The following TNFRSF13B variants were observed in gnomAD, a reference collection of about 807,000 sequenced individuals.
TNFRSF13B encodes the protein TNF receptor superfamily member 13B.
A neutral mutation model predicts 24.0 loss-of-function variants in TNFRSF13B; 34 were observed. That is an observed-to-expected ratio of 1.41 (90% CI 1.08 to 1.88). The LOEUF (loss-of-function observed/expected upper bound fraction) is 1.88. Ranked by LOEUF, TNFRSF13B falls within the 40% of genes most tolerant of loss-of-function variation. The pLI is 0.00. For synonymous variants in TNFRSF13B, 173 were observed against 150.3 expected (o/e 1.15, Z -1.10); for missense variants, 415 against 380.8 (o/e 1.09, Z -0.75).
At chr17:16,950,088 A>G (rs948309811) in intron 2 of TNFRSF13B, among the ~76,000 whole-genome samples, 1 of 152,172 alleles carries the variant, frequency 6.6e-6, no homozygotes, top group Non-Finnish European at 1.5e-5. Flanking sequence ...CTGACTTCGT[A>G]AATATGAATA....
chr17:16,941,464 G>A (rs1014708702), intron 3 of TNFRSF13B: 16 of 987,620 alleles, frequency 1.6e-5, no homozygotes, highest in South Asian at 4.7e-5. Context: ...CTGGAGCTGG[G>A]CATCCTCTAG....
At chr17:16,953,548 A>G (rs57293260) in intron 1 of TNFRSF13B, among the ~76,000 whole-genome samples, 1 of 151,974 alleles carries the variant, frequency 6.6e-6, no homozygotes, top group South Asian at 2.1e-4. Flanking sequence ...CTCATAGGCT[A>G]ATATTGCCCC....
At chr17:16,949,276 A>G (rs1392960085) in intron 2 of TNFRSF13B, among the ~76,000 whole-genome samples, 1 of 152,198 alleles carries the variant, frequency 6.6e-6, no homozygotes, top group Non-Finnish European at 1.5e-5. Context: ...TTACAAGTGC[A>G]TTTCTTAGTT....
At chr17:16,946,959 T>C (rs1254790164) in intron 3 of TNFRSF13B, among the ~76,000 whole-genome samples, 2 of 152,200 alleles carry the variant, frequency 1.3e-5, no homozygotes, top group Non-Finnish European at 2.9e-5. Context: ...GTGATACCTT[T>C]CCCTTCTCTT....
chr17:16,948,653 A>G, intron 3 of TNFRSF13B, 85 bp downstream of exon 3: 1 of 1,591,172 alleles, frequency 6.3e-7, no homozygotes, highest in Non-Finnish European at 8.6e-7. Context: ...TGCATTGTGG[A>G]CTCTCCTGTT....
intron 1 of TNFRSF13B, among the ~76,000 whole-genome samples, chr17:16,967,888 A>C (rs2087715572): frequency 6.6e-6 from 1 of 151,780 alleles, no homozygotes; most frequent in African/African-American, 2.4e-5. Flanking sequence ...CTGTAATCCC[A>C]GCACTTTGGG....
rs1041568442 is a variant in TNFRSF13B, at chr17:16,939,515, T to C, written c.*32A>G. On this transcript the variant is annotated 3_prime_UTR_variant, in exon 5 of 5. Transcript: ENST00000261652. Reference sequence around the variant, plus strand: ...TTCTCTCTCCCCTCCTCTCCATCTCTCTCCCTCCTCCTTTCCCTCCCTGAC... The same window carrying C: ...TTCTCTCTCCCCTCCTCTCCATCTCCCTCCCTCCTCCTTTCCCTCCCTGAC... 6.2e-7 allele frequency: 1 copy of C among 1,601,050 alleles called. No homozygotes were observed. Among genetic ancestry groups the C allele is most frequent in the Non-Finnish European group, 8.5e-7 (1 of 1,172,766 alleles).
intron 3 of TNFRSF13B, among the ~76,000 whole-genome samples, chr17:16,946,579 TA>T (rs201513965): frequency 1.4e-5 from 2 of 147,190 alleles, no homozygotes; most frequent in Admixed American, 6.8e-5. Context: ...TTTTTATTTT[TA>T]TTTATTTATT....
intron 3 of TNFRSF13B, among the ~76,000 whole-genome samples, chr17:16,945,633 G>A (rs1470669166): frequency 1.3e-5 from 2 of 152,212 alleles, no homozygotes; most frequent in Non-Finnish European, 2.9e-5. Flanking sequence ...GGGAAGGTGC[G>A]CAGGTGGCCA....
intron 2 of TNFRSF13B, among the ~76,000 whole-genome samples, chr17:16,951,036 C>T (rs1279471711): frequency 1.3e-5 from 2 of 152,216 alleles, no homozygotes; most frequent in South Asian, 2.1e-4. Context: ...ACGGCAGATT[C>T]CTATTTCCAT....
At position 16,948,783 on chromosome 17, in the gene TNFRSF13B, C is replaced by T; in HGVS notation, c.400G>A (p.Gly134Arg). ...CTGTGCTCCAATCCTTGGTACCTTC[C>T]CGAGTTGTCTGAATTGTTTTCAACT... ...GEVENNSDNS[G>R]RYQGLEHRGS... The change falls in exon 3 of 5, where the codon GGA (glycine) becomes AGA (arginine). Residue 134 changes from glycine to arginine, a missense_variant. Gly to Arg is a moderately radical substitution (Grantham distance 125, BLOSUM62 -2). Coordinates refer to ENST00000261652, the MANE Select transcript of TNFRSF13B (RefSeq NM_012452.3). 6.2e-7 allele frequency: 1 copy of T among 1,614,170 alleles called. No individual in the cohort carries two copies. The highest frequency in any genetic ancestry group is 8.5e-7 in the Non-Finnish European group (1 of 1,180,038).
intron 1 of TNFRSF13B, among the ~76,000 whole-genome samples, chr17:16,962,269 GACCA>G (rs1036612472): frequency 6.2e-4 from 95 of 152,302 alleles, no homozygotes; most frequent in African/African-American, 2.2e-3. Context: ...CACTTTGGGA[GACCA>G]AGGCAGGTGG....
intron 1 of TNFRSF13B, among the ~76,000 whole-genome samples, chr17:16,955,565 T>G (rs1178482124): frequency 6.6e-6 from 1 of 152,240 alleles, no homozygotes; most frequent in African/African-American, 2.4e-5. Flanking sequence ...GAAGGTTGAC[T>G]AATGATTGGA....
chr17:16,969,866 C>T (rs912554424), intron 1 of TNFRSF13B, among the ~76,000 whole-genome samples: 3 of 152,082 alleles, frequency 2.0e-5, no homozygotes, highest in African/African-American at 4.8e-5. Context: ...AAGGCAGACC[C>T]GATTCTCCCC....
intron 1 of TNFRSF13B, among the ~76,000 whole-genome samples, chr17:16,962,242 C>T (rs189899501): frequency 1.8e-4 from 27 of 152,328 alleles, no homozygotes; most frequent in Admixed American, 1.4e-3. Context: ...TGTGGTGGCT[C>T]ATGCCTGTTC....
At chr17:16,966,619 G>A (rs761898123) in intron 1 of TNFRSF13B, among the ~76,000 whole-genome samples, 3 of 152,168 alleles carry the variant, frequency 2.0e-5, no homozygotes, top group Admixed American at 1.3e-4. Flanking sequence ...CTTATTCATT[G>A]TGGAAGGAGA....
rs768819413 is a variant in TNFRSF13B at position 16,940,504 on chromosome 17, C to T, written c.453G>A (p.Pro151=). 21 of 1,613,320 alleles carry T rather than the reference C, an allele frequency of 1.3e-5. No homozygotes were observed. Among genetic ancestry groups the T allele is most frequent in the South Asian group, 5.5e-5 (5 of 91,076 alleles). The change falls in exon 4 of 5, where the codon CCG becomes CCA. Residue 151 remains proline (P), a synonymous_variant. Transcript: ENST00000261652. ...HRGSEASPAL[P]GLKLSADQVA... ...CCTGATCTGCACTCAGCTTCAGCCCCGGGAGAGCTGCAAGACAGCATGAGA... is the reference window on the plus strand; with the variant it reads ...CCTGATCTGCACTCAGCTTCAGCCCTGGGAGAGCTGCAAGACAGCATGAGA...
intron 3 of TNFRSF13B, among the ~76,000 whole-genome samples, chr17:16,945,790 T>C (rs2087543453): frequency 5.3e-5 from 8 of 152,194 alleles, no homozygotes; most frequent in Admixed American, 5.2e-4. Context: ...TCACCATGGC[T>C]ACAGGTTTCC....
chr17:16,952,273 C>T (rs948504039), intron 2 of TNFRSF13B, among the ~76,000 whole-genome samples, 173 bp downstream of exon 2: 10 of 152,144 alleles, frequency 6.6e-5, no homozygotes, highest in African/African-American at 1.2e-4. Flanking sequence ...TTTGAGACAC[C>T]GAAAGGAGGT....
Sources: allele counts gnomAD v4.1 joint callset (sites outside exome capture counted in the v4.1 genomes callset), GRCh38; gene constraint gnomAD v4.1.1; transcripts MANE v1.5; gene names NCBI Gene and HGNC (gene_info 2026-07-23, HGNC 2026-07-21).